The following PALLD variants were observed in gnomAD, a reference collection of about 807,000 sequenced individuals.
PALLD encodes the protein palladin, cytoskeletal associated protein, also known as palladin.
A neutral mutation model predicts 123.5 loss-of-function variants in PALLD; 61 were observed. The observed-to-expected ratio is 0.49, with a 90% confidence interval of 0.40 to 0.61. The LOEUF (loss-of-function observed/expected upper bound fraction) is 0.61. Among genes scored for constraint, PALLD ranks in the 20% least tolerant of loss-of-function variants. The pLI is 0.00. For missense variants in PALLD, 1,273 were observed against 1,377.0 expected, an observed-to-expected ratio of 0.92 and a Z score of 1.20; for synonymous variants, 465 against 496.4, an observed-to-expected ratio of 0.94 and a Z score of 0.84.
At chr4:168,771,062 C>CA (rs762596273) in intron 10 of PALLD, among the ~76,000 whole-genome samples, 5,163 of 55,080 alleles carry the variant, frequency 0.094, 283 homozygotes, top group African/African-American at 0.27. Context: ...GACTCCATCT[C>CA]AAAAAAAAAA....
At chr4:168,512,538 G>A in intron 2 of PALLD, 126 bp downstream of exon 2, 1 of 912,878 alleles carries the variant, frequency 1.1e-6, no homozygotes, top group Non-Finnish European at 1.7e-6. Flanking sequence ...CTTGCAAGGA[G>A]AGAAGCAGCC....
chr4:168,709,222 C>G, intron 9 of PALLD, 75 bp downstream of exon 9: 1 of 1,521,552 alleles, frequency 6.6e-7, no homozygotes, highest in Non-Finnish European at 9.0e-7. Context: ...AGAAAGGCAC[C>G]GTCCTGGCCA....
intron 17 of PALLD, among the ~76,000 whole-genome samples, chr4:168,917,720 CAAA>C (rs1760482360): frequency 6.6e-6 from 1 of 151,828 alleles, no homozygotes. Context: ...ATAAATATAA[CAAA>C]AATATTTTAT....
chr4:168,922,407 C>T (rs1285392211), intron 18 of PALLD, among the ~76,000 whole-genome samples: 1 of 152,152 alleles, frequency 6.6e-6, no homozygotes, highest in African/African-American at 2.4e-5. Flanking sequence ...ATGCAAAGTG[C>T]TTCATGTACA....
At chr4:168,506,968 C>T (rs2149412047) in intron 1 of PALLD, among the ~76,000 whole-genome samples, 1 of 152,230 alleles carries the variant, frequency 6.6e-6, no homozygotes, top group South Asian at 2.1e-4. Context: ...TCTATCTTCT[C>T]CTTCTTTTTT....
At chr4:168,794,431 G>A (rs541654709) in intron 10 of PALLD, among the ~76,000 whole-genome samples, 6 of 145,466 alleles carry the variant, frequency 4.1e-5, no homozygotes, top group Middle Eastern at 3.7e-3. Context: ...ACGCATGCGC[G>A]CGCACACACA....
At chr4:168,725,651 C>T (rs192637130) in intron 10 of PALLD, among the ~76,000 whole-genome samples, 125 of 151,366 alleles carry the variant, frequency 8.3e-4, no homozygotes, top group African/African-American at 2.8e-3. Flanking sequence ...CTCAGCCTCC[C>T]GAGTAGCTGG....
At chr4:168,714,731 C>A (rs1158657622) in intron 10 of PALLD, among the ~76,000 whole-genome samples, 1 of 151,660 alleles carries the variant, frequency 6.6e-6, no homozygotes, top group Non-Finnish European at 1.5e-5. Flanking sequence ...CATTTGTAAA[C>A]AAACTAATAG....
At chr4:168,888,777 A>C (rs1021282924) in intron 10 of PALLD, among the ~76,000 whole-genome samples, 5 of 152,154 alleles carry the variant, frequency 3.3e-5, no homozygotes, top group Admixed American at 6.5e-5. Flanking sequence ...GAGGGGGATC[A>C]CATTTCTATA....
chr4:168,569,620 C>T (rs1768769990), intron 2 of PALLD, among the ~76,000 whole-genome samples: 1 of 152,126 alleles, frequency 6.6e-6, no homozygotes, highest in Non-Finnish European at 1.5e-5. Context: ...TTTTATTATT[C>T]TAAAAAGATC....
chr4:168,545,855 C>A (rs944395592), intron 2 of PALLD, among the ~76,000 whole-genome samples: 1 of 152,066 alleles, frequency 6.6e-6, no homozygotes, highest in Non-Finnish European at 1.5e-5. Context: ...CTATCATGTA[C>A]AATTATGATG....
At chr4:168,517,516 T>C (rs1161837456) in intron 2 of PALLD, among the ~76,000 whole-genome samples, 21 of 152,176 alleles carry the variant, frequency 1.4e-4, no homozygotes, top group Non-Finnish European at 1.5e-5. Flanking sequence ...AAGACTTTGA[T>C]CATCATCAAA....
intron 2 of PALLD, among the ~76,000 whole-genome samples, chr4:168,536,929 G>A (rs537262573): frequency 6.6e-6 from 1 of 151,734 alleles, no homozygotes; most frequent in Admixed American, 6.6e-5. Context: ...CGGGGTTCAA[G>A]CTATTCTCCT....
intron 2 of PALLD, among the ~76,000 whole-genome samples, chr4:168,535,745 A>G (rs572176472): frequency 6.6e-6 from 1 of 152,246 alleles, no homozygotes; most frequent in African/African-American, 2.4e-5. Flanking sequence ...CTCTTAAGAA[A>G]CTCAGCAAGT....
rs537346700 is a variant in PALLD, at chr4:168,668,486, A to C, written c.1087+118A>C. 6 of 767,654 alleles carry C rather than the reference A, an allele frequency of 7.8e-6. No individual in the cohort carries two copies. The Admixed American group carries it at 1.8e-4, about 23-fold the overall frequency. 47.6% of individuals were successfully genotyped at this position (767,654 alleles called of 1,614,324 possible). A position where few individuals can be genotyped will look rare whatever the true frequency, so the allele number is the denominator to read the frequency against. On this transcript the variant is annotated intron_variant, in intron 3 of 21. Coordinates refer to ENST00000505667, the MANE Select transcript of PALLD (RefSeq NM_001166108.2). The stretch of plus-strand genomic sequence containing the variant: ...AAATGGCACAATGGTGTTCTAATTC[A>C]AACTTCATTTCCCTGAAAACCTTTA...
intron 10 of PALLD, among the ~76,000 whole-genome samples, chr4:168,750,861 T>G (rs981655244): frequency 6.6e-6 from 1 of 152,218 alleles, no homozygotes; most frequent in Non-Finnish European, 1.5e-5. Context: ...CATTTATTAT[T>G]GTACTTCCGG....
intron 2 of PALLD, among the ~76,000 whole-genome samples, chr4:168,638,624 C>T (rs763749422): frequency 3.3e-5 from 5 of 152,150 alleles, no homozygotes; most frequent in African/African-American, 4.8e-5. Context: ...GTGAAGGTGC[C>T]GGTAGATTCA....
chr4:168,812,024 A>G (rs191767992), intron 10 of PALLD, among the ~76,000 whole-genome samples: 1 of 152,332 alleles, frequency 6.6e-6, no homozygotes, highest in East Asian at 1.9e-4. Context: ...TTGACAATAT[A>G]GAAAAGGCCA....
chr4:168,622,792 C>CT (rs1774889784), intron 2 of PALLD, among the ~76,000 whole-genome samples: 2 of 152,240 alleles, frequency 1.3e-5, no homozygotes, highest in African/African-American at 4.8e-5. Flanking sequence ...CCCAGACACT[C>CT]TGAGATGTCC....
Sources: gnomAD v4.1 joint callset for allele counts (sites outside exome capture counted in the v4.1 genomes callset) on GRCh38, gnomAD v4.1.1 for gene constraint, MANE v1.5 for transcripts, NCBI Gene and HGNC (gene_info 2026-07-23, HGNC 2026-07-21) for gene names.